The following ERBB4 variants were observed in gnomAD, a reference collection of about 807,000 sequenced individuals.
ERBB4 encodes erb-b2 receptor tyrosine kinase 4, also known as receptor tyrosine-protein kinase erbB-4.
A neutral mutation model predicts 158.0 loss-of-function variants in ERBB4; 42 were observed. The observed-to-expected ratio is 0.27, with a 90% CI of 0.21 to 0.34. ERBB4 has a LOEUF of 0.34. ERBB4 is among the 10% of genes least tolerant of loss of function. The pLI, the probability that ERBB4 is intolerant of heterozygous loss-of-function variation, is 1.00. For missense variants in ERBB4, 1,333 were observed against 1,624.1 expected (o/e 0.82, Z 3.08); for synonymous variants, 583 against 558.7 (o/e 1.04, Z -0.61).
intron 1 of ERBB4, among the ~76,000 whole-genome samples, chr2:212,188,737 A>G (rs1479695813): frequency 1.3e-5 from 2 of 151,728 alleles, no homozygotes; most frequent in Non-Finnish European, 2.9e-5. Flanking sequence ...TTTAAATACT[A>G]TTTATTATTT....
intron 1 of ERBB4, among the ~76,000 whole-genome samples, chr2:212,458,247 C>T (rs1688398704): frequency 6.6e-6 from 1 of 151,840 alleles, no homozygotes; most frequent in South Asian, 2.1e-4. Flanking sequence ...AAGGACCATG[C>T]AAAGGCAGCC....
intron 20 of ERBB4, among the ~76,000 whole-genome samples, chr2:211,433,335 A>G (rs1412758345): frequency 6.6e-6 from 1 of 151,958 alleles, no homozygotes; most frequent in Non-Finnish European, 1.5e-5. Context: ...TAATACTGGC[A>G]CTTTGGGAGG....
At chr2:211,585,387 G>C (rs1157808547) in intron 19 of ERBB4, among the ~76,000 whole-genome samples, 18 of 149,284 alleles carry the variant, frequency 1.2e-4, no homozygotes, top group Non-Finnish European at 3.0e-5. Context: ...GGCTTAGAAA[G>C]ACATTCAATT....
chr2:212,299,456 T>C (rs1272593819), intron 1 of ERBB4, among the ~76,000 whole-genome samples: 1 of 151,618 alleles, frequency 6.6e-6, no homozygotes, highest in Non-Finnish European at 1.5e-5. Context: ...TTAGAAACCA[T>C]ATAAAAAGGC....
At chr2:211,880,716 T>C (rs1575306257) in intron 3 of ERBB4, among the ~76,000 whole-genome samples, 1 of 152,070 alleles carries the variant, frequency 6.6e-6, no homozygotes, top group East Asian at 1.9e-4. Flanking sequence ...AAAATACACC[T>C]CAAATTTACG....
intron 16 of ERBB4, among the ~76,000 whole-genome samples, chr2:211,652,988 G>A (rs1285864470): frequency 1.3e-5 from 2 of 151,900 alleles, no homozygotes; most frequent in African/African-American, 4.8e-5. Context: ...AAAAATCTTT[G>A]GATATATATT....
intron 2 of ERBB4, among the ~76,000 whole-genome samples, chr2:212,010,085 C>T (rs1179396081): frequency 1.3e-5 from 2 of 152,090 alleles, no homozygotes; most frequent in African/African-American, 4.8e-5. Flanking sequence ...CATGTTTTTC[C>T]AGCCTCGTTT....
At chr2:212,393,153 T>C (rs983917799) in intron 1 of ERBB4, among the ~76,000 whole-genome samples, 2 of 152,056 alleles carry the variant, frequency 1.3e-5, no homozygotes, top group Non-Finnish European at 1.5e-5. Flanking sequence ...AATTATTCTG[T>C]CCCATGTGGC....
chr2:211,668,202 C>A (rs567280365), intron 14 of ERBB4, among the ~76,000 whole-genome samples: 1 of 152,230 alleles, frequency 6.6e-6, no homozygotes, highest in African/African-American at 2.4e-5. Context: ...TATGGTAACA[C>A]CATTGCATAT....
At chr2:212,191,745 T>C (rs192616937) in intron 1 of ERBB4, among the ~76,000 whole-genome samples, 5 of 143,570 alleles carry the variant, frequency 3.5e-5, no homozygotes, top group Non-Finnish European at 6.1e-5. Context: ...ACATGTTACA[T>C]ATAACACGTG....
chr2:212,284,015 AT>A lies in ERBB4; in HGVS notation c.83-159113del, dbSNP rs895530134. ...GAAAAACTTCAAATAAACTTCCAAA[AT>A]TTTTTTTCTGGGTACAGTGAACATA... On this transcript the variant is annotated intron_variant, in intron 1 of 27. Coordinates refer to ENST00000342788, the MANE Select transcript of ERBB4 (RefSeq NM_005235.3). Among the ~76,000 whole-genome samples, 16 of 150,780 alleles carry A rather than the reference AT, an allele frequency of 1.1e-4. 1 individual carries two copies. The highest frequency in any genetic ancestry group is 3.7e-4 in the African/African-American group (15 of 40,370).
At chr2:211,865,345 T>C (rs1186375938) in intron 3 of ERBB4, among the ~76,000 whole-genome samples, 2 of 152,144 alleles carry the variant, frequency 1.3e-5, no homozygotes, top group Admixed American at 6.6e-5. Context: ...TAACTTATCT[T>C]TGGATTGGCA....
chr2:211,994,249 T>A (rs1294281438), intron 2 of ERBB4, among the ~76,000 whole-genome samples: 2 of 151,882 alleles, frequency 1.3e-5, no homozygotes, highest in African/African-American at 4.8e-5. Context: ...TCCTACCTCA[T>A]TCTCCTGAGT....
intron 2 of ERBB4, among the ~76,000 whole-genome samples, chr2:212,065,339 T>C (rs535761306): frequency 1.3e-5 from 2 of 152,158 alleles, no homozygotes; most frequent in South Asian, 2.1e-4. Flanking sequence ...TTTGACCATA[T>C]TAAGGTGAAC....
intron 3 of ERBB4, among the ~76,000 whole-genome samples, chr2:211,868,033 A>C (rs2078252030): frequency 6.6e-6 from 1 of 152,256 alleles, no homozygotes; most frequent in Non-Finnish European, 1.5e-5. Flanking sequence ...TCCAGATTCT[A>C]CTATGATATC....
At chr2:211,774,165 T>A (rs2075814062) in intron 4 of ERBB4, among the ~76,000 whole-genome samples, 1 of 151,570 alleles carries the variant, frequency 6.6e-6, no homozygotes, top group South Asian at 2.1e-4. Flanking sequence ...CTCTGCCTCC[T>A]GGGTTCAAAC....
intron 9 of ERBB4, among the ~76,000 whole-genome samples, chr2:211,707,171 T>C (rs764109580): frequency 9.9e-5 from 15 of 152,170 alleles, no homozygotes; most frequent in Non-Finnish European, 2.1e-4. Context: ...AACACTTCCA[T>C]GTTGCCAGGA....
intron 2 of ERBB4, among the ~76,000 whole-genome samples, chr2:212,066,784 C>T (rs556715057): frequency 7.2e-5 from 11 of 151,940 alleles, no homozygotes; most frequent in Admixed American, 6.6e-4. Flanking sequence ...AATTACAATC[C>T]TAAAGTATTA....
intron 1 of ERBB4, among the ~76,000 whole-genome samples, chr2:212,139,586 G>GA (rs1028269491): frequency 6.6e-6 from 1 of 151,746 alleles, no homozygotes; most frequent in Non-Finnish European, 1.5e-5. Flanking sequence ...CTAGTAACAA[G>GA]AAAAAATTTT....
Sources: gnomAD v4.1 joint callset for allele counts (sites outside exome capture counted in the v4.1 genomes callset) on GRCh38, gnomAD v4.1.1 for gene constraint, MANE v1.5 for transcripts, NCBI Gene and HGNC (gene_info 2026-07-23, HGNC 2026-07-21) for gene names.